Variants in SAMD4A observed in about 807,000 individuals in gnomAD.
SAMD4A encodes protein Smaug homolog 1.
Under a neutral mutation model 81.3 loss-of-function variants are expected in SAMD4A, and 33 were observed. That is an observed-to-expected ratio of 0.41 (90% CI 0.31 to 0.54). The LOEUF is 0.54. SAMD4A is among the 20% of genes least tolerant of loss of function. The pLI, the probability that SAMD4A is intolerant of heterozygous loss-of-function variation, is 0.37. For missense variants in SAMD4A, 854 were observed against 951.1 expected (o/e 0.90, Z 1.34); for synonymous variants, 389 against 382.1 (o/e 1.02, Z -0.21).
chr14:54,736,437 A>T (rs2037693332), intron 3 of SAMD4A, among the ~76,000 whole-genome samples: 1 of 152,168 alleles, frequency 6.6e-6, no homozygotes, highest in South Asian at 2.1e-4. Context: ...CCCTGAGGTC[A>T]TGTTAGTACT....
In SAMD4A at chr14:54,681,042, C is replaced by G. The variant is rs1040641221; in HGVS notation, c.197-21020C>G. Among the ~76,000 whole-genome samples, 22 of 152,314 alleles carry G rather than the reference C, an allele frequency of 1.4e-4. 1 individual carries two copies. The highest frequency in any genetic ancestry group is 4.8e-4 in the African/African-American group (20 of 41,566). ...GATTCCTTTGTAAGAGAACCAAGAA[C>G]GTAAGTGAAACTGTAAGGCTTCGCT... On this transcript the variant is annotated intron_variant, in intron 2 of 12. Transcript: ENST00000554335.
At chr14:54,671,448 G>A (rs2035878315) in intron 2 of SAMD4A, among the ~76,000 whole-genome samples, 1 of 152,216 alleles carries the variant, frequency 6.6e-6, no homozygotes, top group Non-Finnish European at 1.5e-5. Context: ...CCTAGTGAGT[G>A]CAATGGGAGT....
At chr14:54,643,846 T>C (rs2035226453) in intron 2 of SAMD4A, among the ~76,000 whole-genome samples, 1 of 152,180 alleles carries the variant, frequency 6.6e-6, no homozygotes, top group African/African-American at 2.4e-5. Flanking sequence ...TCACAGGTTT[T>C]TTTTGTGTGC....
At chr14:54,641,770 T>TCAGAAA (rs2035178968) in intron 2 of SAMD4A, among the ~76,000 whole-genome samples, 1 of 152,200 alleles carries the variant, frequency 6.6e-6, no homozygotes, top group Non-Finnish European at 1.5e-5. Context: ...CTACACAGGC[T>TCAGAAA]TTTATCAAGA....
At chr14:54,576,695 G>A (rs1381480900) in intron 2 of SAMD4A, among the ~76,000 whole-genome samples, 1 of 152,206 alleles carries the variant, frequency 6.6e-6, no homozygotes, top group South Asian at 2.1e-4. Context: ...GCAGATCACA[G>A]GGAATCCCAT....
intron 2 of SAMD4A, among the ~76,000 whole-genome samples, chr14:54,608,164 AC>A (rs2034264295): frequency 6.6e-6 from 1 of 152,190 alleles, no homozygotes; most frequent in Admixed American, 6.5e-5. Flanking sequence ...TTTGCCACCT[AC>A]TTTATGGCCT....
chr14:54,601,120 C>T (rs1160568175), intron 2 of SAMD4A, among the ~76,000 whole-genome samples: 1 of 152,156 alleles, frequency 6.6e-6, no homozygotes, highest in Non-Finnish European at 1.5e-5. Context: ...TCCCTCCTGA[C>T]GAATCCATCT....
At chr14:54,657,568 G>T (rs1012681399) in intron 2 of SAMD4A, among the ~76,000 whole-genome samples, 5 of 152,224 alleles carry the variant, frequency 3.3e-5, no homozygotes, top group Non-Finnish European at 7.3e-5. Context: ...TTGCAGTCAA[G>T]GTTTTCTACT....
chr14:54,744,632 C>A (rs1448573250), intron 4 of SAMD4A, among the ~76,000 whole-genome samples: 2 of 152,172 alleles, frequency 1.3e-5, no homozygotes, highest in Non-Finnish European at 2.9e-5. Context: ...CTGATGTGCA[C>A]ATGCATGGTG....
chr14:54,675,750 A>G (rs949592490), intron 2 of SAMD4A, among the ~76,000 whole-genome samples: 6 of 152,244 alleles, frequency 3.9e-5, no homozygotes, highest in African/African-American at 1.4e-4. Flanking sequence ...AAGTGAGGCG[A>G]GAGTCACCCT....
At chr14:54,667,650 G>A (rs958968643) in intron 2 of SAMD4A, among the ~76,000 whole-genome samples, 3 of 152,168 alleles carry the variant, frequency 2.0e-5, no homozygotes, top group African/African-American at 7.2e-5. Context: ...GTGACTTGTG[G>A]GGACGGCTCT....
intron 2 of SAMD4A, among the ~76,000 whole-genome samples, chr14:54,636,253 A>G (rs1236121232): frequency 6.6e-6 from 1 of 152,170 alleles, no homozygotes; most frequent in Non-Finnish European, 1.5e-5. Context: ...CGGCCATTAC[A>G]AAAGCCCTTA....
At chr14:54,583,014 G>T (rs2033514057) in intron 2 of SAMD4A, among the ~76,000 whole-genome samples, 1 of 152,074 alleles carries the variant, frequency 6.6e-6, no homozygotes, top group Non-Finnish European at 1.5e-5. Context: ...CGCAATCTCG[G>T]CCCACTGCAA....
At chr14:54,591,718 T>C (rs947364399) in intron 2 of SAMD4A, among the ~76,000 whole-genome samples, 3 of 152,222 alleles carry the variant, frequency 2.0e-5, no homozygotes, top group Admixed American at 2.0e-4. Flanking sequence ...GCCTGGACAT[T>C]TACATAGTGT....
intron 6 of SAMD4A, among the ~76,000 whole-genome samples, chr14:54,756,358 G>C (rs565540546): frequency 6.6e-6 from 1 of 152,110 alleles, no homozygotes; most frequent in Non-Finnish European, 1.5e-5. Flanking sequence ...AGCCCTGCTC[G>C]GCCACGTATA....
chr14:54,739,990 C>T (rs1397769576), intron 4 of SAMD4A, among the ~76,000 whole-genome samples: 1 of 152,126 alleles, frequency 6.6e-6, no homozygotes, highest in East Asian at 1.9e-4. Context: ...GCCAACATGG[C>T]AGAACCCTTT....
intron 4 of SAMD4A, among the ~76,000 whole-genome samples, chr14:54,738,925 G>T (rs1215376071): frequency 2.6e-5 from 4 of 152,178 alleles, no homozygotes; most frequent in Non-Finnish European, 5.9e-5. Context: ...TGTTTGAAGG[G>T]TAAGGAGGAT....
intron 2 of SAMD4A, 27 bp downstream of exon 2, chr14:54,568,139 G>T (rs1421672040): frequency 1.4e-6 from 2 of 1,447,576 alleles, no homozygotes; most frequent in Non-Finnish European, 1.8e-6. Flanking sequence ...CGCCGCCGCC[G>T]TCCCGCCTGC....
chr14:54,766,805 C>T (rs1348502445), intron 8 of SAMD4A, among the ~76,000 whole-genome samples: 2 of 152,186 alleles, frequency 1.3e-5, no homozygotes, highest in Admixed American at 1.3e-4. Context: ...AGACAGAAAT[C>T]GTGAGTCCTC....
Sources: gnomAD v4.1 joint callset for allele counts (sites outside exome capture counted in the v4.1 genomes callset) on GRCh38, gnomAD v4.1.1 for gene constraint, MANE v1.5 for transcripts, NCBI Gene and HGNC (gene_info 2026-07-23, HGNC 2026-07-21) for gene names.